Variants in CENPQ observed in about 807,000 individuals in gnomAD.
The protein encoded by CENPQ is centromere protein Q.
In CENPQ, 27 loss-of-function variants were observed where a neutral mutation model predicts 36.6. The observed-to-expected ratio is 0.74, with a 90% confidence interval of 0.54 to 1.02. The LOEUF (loss-of-function observed/expected upper bound fraction) is 1.02, where lower values mean the gene tolerates loss of function less well. Ranked by LOEUF, CENPQ falls within the 50% of genes least tolerant of loss-of-function variation. CENPQ has a pLI of 0.00. For synonymous variants in CENPQ, 101 were observed against 101.7 expected (o/e 0.99, Z 0.04); for missense variants, 306 against 301.8 (o/e 1.01, Z -0.10).
intron 5 of CENPQ, among the ~76,000 whole-genome samples, chr6:49,474,673 A>G (rs752973854): frequency 6.6e-6 from 1 of 152,202 alleles, no homozygotes; most frequent in Non-Finnish European, 1.5e-5. Context: ...AGCAGAACTA[A>G]AGGAGATAGA....
rs11335563 is a variant in CENPQ at position 49,493,056 on chromosome 6, GT to G, written c.*798del. ...AACAAACTACAGTATACTGTCTTGG[GT>G]TTTTTTTTTTTTTTTTAGTCTGTAA... On this transcript the variant is annotated 3_prime_UTR_variant, in exon 9 of 9. Transcript: ENST00000335783. 93,619 of 142,030 alleles carry G rather than the reference GT, an allele frequency of 0.66. 30,591 individuals carry two copies. The highest frequency in any genetic ancestry group is 0.84 in the East Asian group (4,152 of 4,954). 8.8% of individuals were successfully genotyped at this position (142,030 alleles called of 1,614,324 possible). A position where few individuals can be genotyped will look rare whatever the true frequency, so the allele number is the denominator to read the frequency against.
intron 5 of CENPQ, among the ~76,000 whole-genome samples, chr6:49,479,801 T>C (rs1768386476): frequency 6.6e-6 from 1 of 152,190 alleles, no homozygotes; most frequent in African/African-American, 2.4e-5. Context: ...CATAAAAGAA[T>C]GAGATCATGT....
chr6:49,480,976 A>G lies in CENPQ; in HGVS notation c.373A>G (p.Lys125Glu). ...KRLLQQCETL[K>E]VPPKKMEDLT... ...ATTGCTACAACAGTGTGAAACTCTGAAAGTCCCTCCCAAAAAGATGGAAGA... is the reference window on the plus strand; with the variant it reads ...ATTGCTACAACAGTGTGAAACTCTGGAAGTCCCTCCCAAAAAGATGGAAGA... The change falls in exon 6 of 9, where the codon AAA becomes GAA. Residue 125 changes from lysine to glutamate, a missense_variant. Transcript: ENST00000335783. The G allele has an allele frequency of 6.2e-7, 1 of 1,605,744 alleles. No homozygotes were observed. The highest frequency in any genetic ancestry group is 8.5e-7 in the Non-Finnish European group (1 of 1,175,586).
At chr6:49,474,572 T>C (rs1385347866) in intron 5 of CENPQ, among the ~76,000 whole-genome samples, 1 of 151,104 alleles carries the variant, frequency 6.6e-6, no homozygotes, top group Non-Finnish European at 1.5e-5. Context: ...GCAGGAAAAA[T>C]TGACACCCTA....
chr6:49,472,670 T>C (rs1768170069), intron 4 of CENPQ, 120 bp from the exon 5 acceptor site: 6 of 667,142 alleles, frequency 9.0e-6, no homozygotes, highest in African/African-American at 1.9e-5. Context: ...AAAGGAAAAG[T>C]GATTGATTTT....
intron 1 of CENPQ, among the ~76,000 whole-genome samples, chr6:49,468,535 A>G (rs539795697): frequency 2.2e-4 from 33 of 152,142 alleles, no homozygotes; most frequent in African/African-American, 6.5e-4. Flanking sequence ...CAGAGGTTGC[A>G]GCAGTGAGCC....
rs1353876942 is a variant in CENPQ, at chr6:49,481,046, AC to A, written c.444del (p.Asp148GlufsTer15). On this transcript the variant is annotated frameshift_variant, in exon 6 of 9. Transcript: ENST00000335783. LOFTEE classifies it high-confidence loss of function. ...SSLLNMERAR[D>X]KANEEGLALL... ...CTACTGAATATGGAAAGGGCACGAG[AC>A]AAAGCTAATGAAGAAGGTCTGGCAT... The A allele has an allele frequency of 6.2e-7, 1 of 1,609,720 alleles. No homozygotes were observed. Among genetic ancestry groups the A allele is most frequent in the Non-Finnish European group, 8.5e-7 (1 of 1,178,680 alleles).
intron 6 of CENPQ, 114 bp from the exon 7 acceptor site, chr6:49,488,238 A>C (rs1487012453): frequency 5.2e-6 from 4 of 767,542 alleles, no homozygotes; most frequent in Non-Finnish European, 7.8e-6. Context: ...GCTTCTAAAA[A>C]TGTTTTAAAT....
At position 49,492,392 on chromosome 6, in the gene CENPQ, G is replaced by T; in HGVS notation, c.*117G>T. The stretch of plus-strand genomic sequence containing the variant: ...GCTTCTGCAGGATTTATTATCTCCT[G>T]ATATGCACTTTAAAATTAGTCTTTG... On this transcript the variant is annotated 3_prime_UTR_variant, in exon 9 of 9. Coordinates refer to ENST00000335783, the MANE Select transcript of CENPQ (RefSeq NM_018132.4). The T allele has an allele frequency of 1.2e-6, 1 of 841,548 alleles. No homozygotes were observed. The highest frequency in any genetic ancestry group is 1.7e-6 in the Non-Finnish European group (1 of 576,664). The allele number at this position is 841,548 out of a possible 1,614,324, so 52.1% of individuals were successfully genotyped here.
intron 6 of CENPQ, among the ~76,000 whole-genome samples, chr6:49,487,034 T>C (rs1292834645): frequency 6.6e-6 from 1 of 150,706 alleles, no homozygotes; most frequent in Non-Finnish European, 1.5e-5. Flanking sequence ...GTGCCTGTAG[T>C]CCCAGCTACT....
chr6:49,469,352 T>C (rs907850149), intron 1 of CENPQ, among the ~76,000 whole-genome samples: 5 of 152,356 alleles, frequency 3.3e-5, no homozygotes, highest in South Asian at 2.1e-4. Context: ...TTTCTAGGCA[T>C]ATATAGCTAA....
chr6:49,470,059 G>A (rs1768090263), intron 1 of CENPQ, 100 bp from the exon 2 acceptor site: 2 of 491,162 alleles, frequency 4.1e-6, no homozygotes, highest in East Asian at 4.2e-5. Context: ...AAAAGAGAAT[G>A]TGGAACATTT....
intron 1 of CENPQ, among the ~76,000 whole-genome samples, chr6:49,464,515 T>A (rs903205989): frequency 1.3e-5 from 2 of 152,240 alleles, no homozygotes; most frequent in African/African-American, 4.8e-5. Flanking sequence ...CTCTGTAGCA[T>A]GTGATGCTGT....
At chr6:49,464,659 A>G (rs982133010) in intron 1 of CENPQ, among the ~76,000 whole-genome samples, 1 of 152,242 alleles carries the variant, frequency 6.6e-6, no homozygotes, top group Non-Finnish European at 1.5e-5. Flanking sequence ...TATTCACAGC[A>G]TCTTCACCAG....
chr6:49,487,169 A>AAAAAAAAAAAGATGGTCCTGAGT (rs1768605314), intron 6 of CENPQ, among the ~76,000 whole-genome samples: 1 of 300 alleles, frequency 3.3e-3, no homozygotes, highest in African/African-American at 3.5e-3. Context: ...AAAAAAAAAA[A>AAAAAAAAAAAGATGGTCCTGAGT]TAAAAAAAAT....
chr6:49,466,444 A>T (rs1031293877), intron 1 of CENPQ, among the ~76,000 whole-genome samples: 3 of 152,330 alleles, frequency 2.0e-5, no homozygotes, highest in Admixed American at 2.0e-4. Context: ...AGGCTCAATA[A>T]AGTGAAACAC....
At chr6:49,492,098 C>A in intron 8 of CENPQ, 46 bp from the exon 9 acceptor site, 1 of 1,462,876 alleles carries the variant, frequency 6.8e-7, no homozygotes, top group South Asian at 1.3e-5. Flanking sequence ...TGAGATTTCT[C>A]ATAATAAAAT....
At chr6:49,475,550 C>T (rs1768265851) in intron 5 of CENPQ, among the ~76,000 whole-genome samples, 1 of 152,158 alleles carries the variant, frequency 6.6e-6, no homozygotes, top group Non-Finnish European at 1.5e-5. Context: ...TCCTATTCAA[C>T]ATAGTGTTGG....
chr6:49,464,904 T>C (rs941665215), intron 1 of CENPQ, among the ~76,000 whole-genome samples: 2 of 152,230 alleles, frequency 1.3e-5, no homozygotes, highest in African/African-American at 4.8e-5. Flanking sequence ...TTAATGTTGA[T>C]ATTTTGACCT....
Sources: gnomAD v4.1 joint callset for allele counts (sites outside exome capture counted in the v4.1 genomes callset) on GRCh38, gnomAD v4.1.1 for gene constraint, MANE v1.5 for transcripts, NCBI Gene and HGNC (gene_info 2026-07-23, HGNC 2026-07-21) for gene names.